The following NKAIN2 variants were observed in gnomAD, a reference collection of about 807,000 sequenced individuals.
NKAIN2 encodes the protein sodium/potassium-transporting ATPase subunit beta-1-interacting protein 2.
A neutral mutation model predicts 32.6 loss-of-function variants in NKAIN2; 14 were observed. That is an observed-to-expected ratio of 0.43 (90% CI 0.28 to 0.67). The LOEUF (loss-of-function observed/expected upper bound fraction) is 0.67. NKAIN2 is among the 30% of genes least tolerant of loss of function. NKAIN2 has a pLI of 0.17. For missense variants in NKAIN2, 198 were observed against 258.3 expected (o/e 0.77, Z 1.60); for synonymous variants, 80 against 87.2 (o/e 0.92, Z 0.46).
chr6:124,395,424 A>C (rs73770477), intron 3 of NKAIN2, among the ~76,000 whole-genome samples: 24,011 of 152,028 alleles, frequency 0.16, 3,162 homozygotes, highest in African/African-American at 0.37. Context: ...TCATAGATAC[A>C]CTTATAACAA....
At chr6:124,133,180 A>C (rs1450530950) in intron 1 of NKAIN2, among the ~76,000 whole-genome samples, 1 of 152,182 alleles carries the variant, frequency 6.6e-6, no homozygotes, top group African/African-American at 2.4e-5. Context: ...AGGTACCTAT[A>C]GTCAACCTTC....
chr6:124,158,169 A>T (rs1379740263), intron 1 of NKAIN2, among the ~76,000 whole-genome samples: 5 of 152,120 alleles, frequency 3.3e-5, no homozygotes, highest in African/African-American at 1.2e-4. Flanking sequence ...TTTTCTTCTG[A>T]GGCCTCTCTG....
intron 4 of NKAIN2, among the ~76,000 whole-genome samples, chr6:124,687,108 T>G (rs553417237): frequency 1.3e-5 from 2 of 150,802 alleles, no homozygotes; most frequent in African/African-American, 2.4e-5. Context: ...TGTGAACATG[T>G]AAGTTAATAC....
At chr6:123,845,213 T>A (rs891891673) in intron 1 of NKAIN2, among the ~76,000 whole-genome samples, 13 of 152,208 alleles carry the variant, frequency 8.5e-5, no homozygotes, top group African/African-American at 2.7e-4. Context: ...ACAAATACTA[T>A]AAAATGTGAT....
intron 3 of NKAIN2, among the ~76,000 whole-genome samples, chr6:124,510,688 T>C (rs1043238267): frequency 3.3e-5 from 5 of 152,220 alleles, no homozygotes; most frequent in Non-Finnish European, 5.9e-5. Flanking sequence ...TGTTTTGAGC[T>C]AAGTGTGAAT....
chr6:124,354,082 A>G (rs1798856622), intron 2 of NKAIN2, among the ~76,000 whole-genome samples: 1 of 152,118 alleles, frequency 6.6e-6, no homozygotes, highest in African/African-American at 2.4e-5. Flanking sequence ...CCAACCCCGC[A>G]TGCTTTTAAG....
intron 1 of NKAIN2, among the ~76,000 whole-genome samples, chr6:123,998,351 T>A (rs1167775454): frequency 2.0e-5 from 3 of 152,150 alleles, no homozygotes; most frequent in Non-Finnish European, 4.4e-5. Context: ...TAAATAATAA[T>A]TATTAATAAA....
chr6:123,827,891 C>A (rs544648254), intron 1 of NKAIN2, among the ~76,000 whole-genome samples: 1,888 of 151,322 alleles, frequency 0.012, 28 homozygotes, highest in Non-Finnish European at 0.019. Flanking sequence ...CTCTCTCTCT[C>A]TCTCTATATA....
chr6:124,730,887 A>C (rs1248711878), intron 4 of NKAIN2, among the ~76,000 whole-genome samples: 1 of 135,912 alleles, frequency 7.4e-6, no homozygotes, highest in Non-Finnish European at 1.6e-5. Context: ...AACCCCATCA[A>C]AAAGTGGGCG....
intron 1 of NKAIN2, among the ~76,000 whole-genome samples, chr6:124,222,527 A>G (rs1042730225): frequency 6.6e-6 from 1 of 152,154 alleles, no homozygotes; most frequent in Non-Finnish European, 1.5e-5. Flanking sequence ...GAAAACTCTA[A>G]AAGAAGAAAG....
intron 1 of NKAIN2, among the ~76,000 whole-genome samples, chr6:124,092,951 C>T (rs1407004155): frequency 1.3e-5 from 2 of 151,882 alleles, no homozygotes; most frequent in Non-Finnish European, 2.9e-5. Flanking sequence ...CTATTTAATC[C>T]ACTTAAATTT....
chr6:124,376,632 C>G (rs6937829), intron 3 of NKAIN2, among the ~76,000 whole-genome samples: 75,015 of 151,978 alleles, frequency 0.49, 18,682 homozygotes, highest in East Asian at 0.6. Context: ...CCCTACATCA[C>G]TGCCTTTGTT....
chr6:124,408,396 G>C (rs1156709885), intron 3 of NKAIN2, among the ~76,000 whole-genome samples: 1 of 152,192 alleles, frequency 6.6e-6, no homozygotes, highest in Non-Finnish European at 1.5e-5. Flanking sequence ...AAGGGATCCA[G>C]TTTCAGCTTT....
At chr6:124,787,059 C>T (rs1779535681) in intron 4 of NKAIN2, among the ~76,000 whole-genome samples, 1 of 152,044 alleles carries the variant, frequency 6.6e-6, no homozygotes, top group Non-Finnish European at 1.5e-5. Flanking sequence ...CCATTTCAAG[C>T]CCTCCCACCT....
intron 1 of NKAIN2, among the ~76,000 whole-genome samples, chr6:123,955,197 A>G (rs1582837556): frequency 1.8e-5 from 1 of 57,002 alleles, no homozygotes; most frequent in South Asian, 7.3e-4. Flanking sequence ...CAGAAAAACC[A>G]AAAAAAAAAA....
chr6:124,353,450 A>G (rs11154220), intron 2 of NKAIN2, among the ~76,000 whole-genome samples: 35,045 of 152,088 alleles, frequency 0.23, 4,123 homozygotes, highest in Admixed American at 0.3. Context: ...CAAGAATACA[A>G]GGATAATATA....
intron 1 of NKAIN2, among the ~76,000 whole-genome samples, chr6:124,226,565 G>C (rs1253550459): frequency 6.6e-6 from 1 of 151,836 alleles, no homozygotes; most frequent in Non-Finnish European, 1.5e-5. Flanking sequence ...TTAAATCTTG[G>C]CCATGTTGTT....
intron 3 of NKAIN2, among the ~76,000 whole-genome samples, chr6:124,426,106 A>G (rs1774970435): frequency 6.6e-6 from 1 of 152,066 alleles, no homozygotes; most frequent in Non-Finnish European, 1.5e-5. Flanking sequence ...TATGTAGCTG[A>G]TTGTATTTTC....
At chr6:123,877,481 G>T (rs1403572862) in intron 1 of NKAIN2, among the ~76,000 whole-genome samples, 1 of 152,178 alleles carries the variant, frequency 6.6e-6, no homozygotes, top group East Asian at 1.9e-4. Flanking sequence ...GAATGTATGG[G>T]AAATAGATTT....
Sources: gnomAD v4.1 joint callset for allele counts (sites outside exome capture counted in the v4.1 genomes callset) on GRCh38, gnomAD v4.1.1 for gene constraint, MANE v1.5 for transcripts, NCBI Gene and HGNC (gene_info 2026-07-23, HGNC 2026-07-21) for gene names.